Variants in SNX31 observed in about 807,000 individuals in gnomAD.
SNX31 encodes the protein sorting nexin-31.
A neutral mutation model predicts 65.4 loss-of-function variants in SNX31; 58 were observed. The observed-to-expected ratio is 0.89, with a 90% CI of 0.72 to 1.10. The LOEUF is 1.10. SNX31 is among the 50% of genes least tolerant of loss of function. The pLI, the probability that SNX31 is intolerant of heterozygous loss-of-function variation, is 0.00. For missense variants in SNX31, 523 were observed against 529.7 expected, an observed-to-expected ratio of 0.99 and a Z score of 0.12; for synonymous variants, 181 against 190.1, an observed-to-expected ratio of 0.95 and a Z score of 0.39.
chr8:100,605,776 A>G (rs1286080214), intron 8 of SNX31, among the ~76,000 whole-genome samples: 1 of 152,128 alleles, frequency 6.6e-6, no homozygotes, highest in Non-Finnish European at 1.5e-5. Flanking sequence ...CTTTAATGAA[A>G]ACAGATTTAA....
chr8:100,634,093 C>A (rs1818586118), intron 3 of SNX31, among the ~76,000 whole-genome samples: 2 of 152,114 alleles, frequency 1.3e-5, no homozygotes, highest in South Asian at 4.1e-4. Context: ...ATTTTAAAAA[C>A]TTTAAGTCTT....
chr8:100,588,967 C>A lies in SNX31; in HGVS notation c.991G>T (p.Asp331Tyr), dbSNP rs759927540. Reference protein sequence around the residue: ...WQVTFLGTLLDTDGPQRTLNQ... With the variant: ...WQVTFLGTLLYTDGPQRTLNQ... ...AGAGTTCTCTGGGGCCCATCCGTAT[C>A]CAGCAGAGTTCCCTACAAAGGAAAA... Residue 331 changes from aspartate (D) to tyrosine (Y), a missense_variant, in exon 11 of 14, where the codon GAT becomes TAT. Coordinates refer to ENST00000311812, the MANE Select transcript of SNX31 (RefSeq NM_152628.4). This position sits in a 1 kb window ranked among gnomAD's most constrained non-coding sequence, Gnocchi z 4.8. 3.7e-6 allele frequency: 6 copies of A among 1,612,804 alleles called. No homozygotes were observed. In the African/African-American group the frequency reaches 8.0e-5, roughly 22 times the overall value.
chr8:100,600,616 T>A (rs1219173720), intron 8 of SNX31, among the ~76,000 whole-genome samples, 175 bp from the exon 9 acceptor site: 1 of 152,122 alleles, frequency 6.6e-6, no homozygotes, highest in Admixed American at 6.6e-5. Context: ...GTTCAACAGC[T>A]TGGGGACAAT....
chr8:100,589,122 GAA>G (rs1293686886), intron 10 of SNX31, 143 bp from the exon 11 acceptor site: 1 of 533,612 alleles, frequency 1.9e-6, no homozygotes, highest in African/African-American at 1.9e-5. Context: ...CCAACATGGT[GAA>G]ACCCCATCTC....
chr8:100,608,218 T>G (rs1816355639), intron 8 of SNX31, among the ~76,000 whole-genome samples: 1 of 152,202 alleles, frequency 6.6e-6, no homozygotes, highest in African/African-American at 2.4e-5. Flanking sequence ...TCAGAGTCAT[T>G]ATATACATTC....
chr8:100,654,875 T>G (rs1820031857), intron 1 of SNX31, among the ~76,000 whole-genome samples: 1 of 152,088 alleles, frequency 6.6e-6, no homozygotes, highest in African/African-American at 2.4e-5. Flanking sequence ...TAGCCAGATG[T>G]GGTAGTACAC....
chr8:100,633,679 T>A (rs1003383921), intron 3 of SNX31, among the ~76,000 whole-genome samples: 1 of 151,946 alleles, frequency 6.6e-6, no homozygotes, highest in African/African-American at 2.4e-5. Flanking sequence ...TCACAAAGTA[T>A]CTTAAAATAA....
intron 4 of SNX31, chr8:100,618,145 T>G: frequency 1.0e-6 from 1 of 985,404 alleles, no homozygotes; most frequent in Non-Finnish European, 1.2e-6. Flanking sequence ...TTCTAGCATA[T>G]GGTACCCAAA....
intron 8 of SNX31, among the ~76,000 whole-genome samples, chr8:100,608,268 CT>C (rs533693977): frequency 2.0e-5 from 3 of 152,132 alleles, no homozygotes; most frequent in Non-Finnish European, 4.4e-5. Flanking sequence ...AGAGCTCAAA[CT>C]TTTTTTTATC....
chr8:100,650,401 G>A (rs1819928194), upstream of SNX31, among the ~76,000 whole-genome samples: 1 of 152,110 alleles, frequency 6.6e-6, no homozygotes, highest in Non-Finnish European at 1.5e-5. Flanking sequence ...ATCCTACCAC[G>A]GACAAAACAG....
At chr8:100,582,092 A>G (rs1207266589) in intron 12 of SNX31, among the ~76,000 whole-genome samples, 3 of 152,232 alleles carry the variant, frequency 2.0e-5, no homozygotes, top group Non-Finnish European at 4.4e-5. Flanking sequence ...AAAGCAATAC[A>G]AGGGTACTGA....
At chr8:100,580,435 T>C (rs1269956708) in intron 12 of SNX31, among the ~76,000 whole-genome samples, 2 of 152,164 alleles carry the variant, frequency 1.3e-5, no homozygotes, top group African/African-American at 2.4e-5. Context: ...TTTATTTGAA[T>C]AGACAACACA....
rs1271694890 is a variant in SNX31, at chr8:100,622,732, G to C, written c.322-5002C>G. 4.6e-5 allele frequency among the ~76,000 whole-genome samples: 7 copies of C among 152,046 alleles called. No homozygotes were observed. Among genetic ancestry groups the C allele is most frequent in the Non-Finnish European group, 1.0e-4 (7 of 68,004 alleles). ...AATTAAATGGGGGCATTTAAAAATG[G>C]AGTGTTGATACATGAACTTCCCTCT... On this transcript the variant is annotated intron_variant, in intron 4 of 13. Coordinates refer to ENST00000311812, the MANE Select transcript of SNX31 (RefSeq NM_152628.4). This position sits in a 1 kb window ranked among gnomAD's most constrained non-coding sequence, Gnocchi z 5.0.
intron 10 of SNX31, among the ~76,000 whole-genome samples, chr8:100,592,109 T>C (rs1017990421): frequency 6.6e-6 from 1 of 151,980 alleles, no homozygotes; most frequent in Non-Finnish European, 1.5e-5. Context: ...TAGAATTAGA[T>C]CCAGAAATGA....
chr8:100,650,523 C>A (rs556434492), upstream of SNX31, among the ~76,000 whole-genome samples: 4 of 152,320 alleles, frequency 2.6e-5, no homozygotes, highest in African/African-American at 9.6e-5. Context: ...AAATGCCAGT[C>A]ATCCCTGGGG....
In SNX31 at chr8:100,583,307, T is replaced by A. The variant is rs187091980; in HGVS notation, c.1170+804A>T. ...ATTTAGTGGAGATGGGGGTTCACCA[T>A]GTTGGCCAGGCTGGTCTCAAACTCC... On this transcript the variant is annotated intron_variant, in intron 12 of 13. Transcript: ENST00000311812. 2.2e-3 allele frequency among the ~76,000 whole-genome samples: 333 copies of A among 152,080 alleles called. 2 individuals carry two copies. Among genetic ancestry groups the A allele is most frequent in the Non-Finnish European group, 3.6e-3 (244 of 67,978 alleles).
intron 10 of SNX31, among the ~76,000 whole-genome samples, chr8:100,590,195 T>C (rs1290241408): frequency 6.6e-6 from 1 of 152,218 alleles, no homozygotes; most frequent in East Asian, 1.9e-4. Context: ...AAGGATCCCT[T>C]CCTGCAGATT....
At chr8:100,650,914 G>A (rs1436843244), upstream of SNX31, among the ~76,000 whole-genome samples, 1 of 150,170 alleles carries the variant, frequency 6.7e-6, no homozygotes, top group African/African-American at 2.5e-5. Flanking sequence ...GTGCAATGGT[G>A]CGATCTCAGC....
Position 100,610,587 on chromosome 8 carries a change from C to T in SNX31, c.611+1413G>A, listed in dbSNP as rs577474015. 6.6e-6 allele frequency among the ~76,000 whole-genome samples: 1 copy of T among 152,178 alleles called. No individual in the cohort carries two copies. Among genetic ancestry groups the T allele is most frequent in the Non-Finnish European group, 1.5e-5 (1 of 68,040 alleles). On this transcript the variant is annotated intron_variant, in intron 7 of 13. Transcript: ENST00000311812. The surrounding 1 kb of genome is among the most constrained non-coding windows in gnomAD (Gnocchi z 4.0). ...TTACGCAGCTAAGACCTGAGCAAGG[C>T]GCAACTTAGATTCACATACTGTAAT... is the stretch of plus-strand genomic sequence containing the variant.
Sources: gnomAD v4.1 joint callset for allele counts (sites outside exome capture counted in the v4.1 genomes callset) on GRCh38, gnomAD v4.1.1 for gene constraint, Gnocchi (gnomAD v3.1) non-coding constraint, MANE v1.5 for transcripts, NCBI Gene and HGNC (gene_info 2026-07-23, HGNC 2026-07-21) for gene names.